Variants in MARCHF1 observed in about 807,000 individuals in gnomAD.
MARCHF1 encodes the protein E3 ubiquitin-protein ligase MARCHF1.
A neutral mutation model predicts 54.2 loss-of-function variants in MARCHF1; 40 were observed. The observed-to-expected ratio is 0.74, with a 90% CI of 0.57 to 0.96. MARCHF1 has a LOEUF of 0.96. Ranked by LOEUF, MARCHF1 falls within the 40% of genes least tolerant of loss-of-function variation. The pLI is 0.00. For synonymous variants in MARCHF1, 236 were observed against 236.3 expected, an observed-to-expected ratio of 1.00 and a Z score of 0.01; for missense variants, 586 against 656.5, an observed-to-expected ratio of 0.89 and a Z score of 1.17.
intron 3 of MARCHF1, among the ~76,000 whole-genome samples, chr4:163,947,727 T>C (rs571292322): frequency 6.6e-6 from 1 of 152,334 alleles, no homozygotes; most frequent in East Asian, 1.9e-4. Context: ...ACTAAATGTG[T>C]GGTAGAAGTA....
At chr4:163,780,365 T>C (rs907036271) in intron 4 of MARCHF1, among the ~76,000 whole-genome samples, 5 of 152,224 alleles carry the variant, frequency 3.3e-5, no homozygotes, top group Non-Finnish European at 7.3e-5. Flanking sequence ...GTGGAATATG[T>C]CGTATTTTGA....
At chr4:164,211,246 A>G (rs1035489922) in intron 1 of MARCHF1, among the ~76,000 whole-genome samples, 2 of 150,076 alleles carry the variant, frequency 1.3e-5, no homozygotes, top group Non-Finnish European at 1.5e-5. Context: ...TTGAGGTGGT[A>G]GATATGTTAA....
At chr4:164,125,904 C>T (rs1443575225) in intron 1 of MARCHF1, among the ~76,000 whole-genome samples, 1 of 152,182 alleles carries the variant, frequency 6.6e-6, no homozygotes, top group Non-Finnish European at 1.5e-5. Flanking sequence ...ACAGTTTCAT[C>T]CCAAAACCAT....
intron 1 of MARCHF1, among the ~76,000 whole-genome samples, chr4:164,125,994 A>C (rs886347475): frequency 3.3e-5 from 5 of 152,208 alleles, no homozygotes; most frequent in Non-Finnish European, 7.3e-5. Flanking sequence ...ACTGTGTTAT[A>C]CACCTATGTT....
intron 3 of MARCHF1, among the ~76,000 whole-genome samples, chr4:163,894,864 C>CAT (rs144971173): frequency 0.055 from 930 of 16,986 alleles, 363 homozygotes; most frequent in African/African-American, 0.15. Flanking sequence ...GCATGTGATG[C>CAT]ATATATATAT....
chr4:164,359,683 G>A (rs138890385), intron 1 of MARCHF1, among the ~76,000 whole-genome samples: 76 of 152,212 alleles, frequency 5.0e-4, no homozygotes, highest in African/African-American at 1.7e-3. Flanking sequence ...ACTATTTATT[G>A]TTATTATAGT....
chr4:163,591,962 G>A (rs558736866), intron 7 of MARCHF1, among the ~76,000 whole-genome samples: 1 of 152,230 alleles, frequency 6.6e-6, no homozygotes, highest in Admixed American at 6.5e-5. Flanking sequence ...ATATCATTCA[G>A]ACTAACAGCT....
intron 2 of MARCHF1, among the ~76,000 whole-genome samples, chr4:164,017,866 A>G (rs1229628341): frequency 6.6e-6 from 1 of 151,424 alleles, no homozygotes; most frequent in African/African-American, 2.4e-5. Flanking sequence ...AAAAAGATCA[A>G]AGTTGAGGAA....
intron 2 of MARCHF1, among the ~76,000 whole-genome samples, chr4:164,009,448 GACA>G (rs777889695): frequency 2.0e-5 from 3 of 151,980 alleles, no homozygotes; most frequent in Non-Finnish European, 2.9e-5. Context: ...GTCTCACAAG[GACA>G]ACATTACCCT....
At chr4:163,950,039 C>T (rs1377909143) in intron 3 of MARCHF1, among the ~76,000 whole-genome samples, 2 of 152,144 alleles carry the variant, frequency 1.3e-5, no homozygotes, top group East Asian at 1.9e-4. Context: ...TGGTCATGGG[C>T]GGGCCCAGGA....
chr4:163,634,059 C>T (rs1410003677), intron 5 of MARCHF1, among the ~76,000 whole-genome samples: 1 of 152,150 alleles, frequency 6.6e-6, no homozygotes, highest in African/African-American at 2.4e-5. Flanking sequence ...GAGATTCTGT[C>T]ACCACCAGGC....
intron 5 of MARCHF1, among the ~76,000 whole-genome samples, chr4:163,658,870 A>G (rs1426739452): frequency 6.6e-6 from 1 of 151,908 alleles, no homozygotes; most frequent in Non-Finnish European, 1.5e-5. Flanking sequence ...TGATGGGTTG[A>G]TAGGTGCAGC....
intron 2 of MARCHF1, among the ~76,000 whole-genome samples, chr4:164,051,964 T>C (rs1754378335): frequency 6.6e-6 from 1 of 152,152 alleles, no homozygotes; most frequent in African/African-American, 2.4e-5. Context: ...AAATGAATGT[T>C]GCTACAATGC....
intron 3 of MARCHF1, among the ~76,000 whole-genome samples, chr4:163,881,302 C>G (rs1426041426): frequency 6.6e-6 from 1 of 152,088 alleles, no homozygotes; most frequent in East Asian, 1.9e-4. Context: ...TGGCAAAACC[C>G]CGTCTCCACT....
intron 7 of MARCHF1, among the ~76,000 whole-genome samples, chr4:163,610,515 C>T (rs1741302560): frequency 6.6e-6 from 1 of 151,998 alleles, no homozygotes; most frequent in African/African-American, 2.4e-5. Context: ...TCTCCAATTA[C>T]CATTTAGCCT....
chr4:163,709,719 A>C (rs760850535), intron 4 of MARCHF1, among the ~76,000 whole-genome samples: 1 of 152,208 alleles, frequency 6.6e-6, no homozygotes, highest in South Asian at 2.1e-4. Flanking sequence ...TTGTAGTTAC[A>C]ACACTTGCAT....
intron 9 of MARCHF1, among the ~76,000 whole-genome samples, chr4:163,531,578 A>G (rs562063980): frequency 1.5e-4 from 23 of 152,022 alleles, no homozygotes; most frequent in Admixed American, 1.4e-3. Context: ...TCCGCATCAC[A>G]CTGGAAGTCT....
At chr4:164,060,811 T>G (rs1021408998) in intron 2 of MARCHF1, among the ~76,000 whole-genome samples, 1 of 152,210 alleles carries the variant, frequency 6.6e-6, no homozygotes, top group African/African-American at 2.4e-5. Context: ...ACAACGAAGA[T>G]GTTCCTCTCT....
chr4:163,551,519 C>T (rs1005645794), intron 8 of MARCHF1, among the ~76,000 whole-genome samples: 6 of 152,192 alleles, frequency 3.9e-5, no homozygotes, highest in African/African-American at 1.4e-4. Context: ...AACAACAAAG[C>T]CAGGTAGGTG....
Sources: gnomAD v4.1 joint callset for allele counts (sites outside exome capture counted in the v4.1 genomes callset) on GRCh38, gnomAD v4.1.1 for gene constraint, MANE v1.5 for transcripts, NCBI Gene and HGNC (gene_info 2026-07-23, HGNC 2026-07-21) for gene names.